TKT: variants seen among roughly 807,000 people sequenced by gnomAD.
The protein encoded by TKT is epididymis luminal protein 107.
TKT carries 47 observed loss-of-function variants against 63.9 expected under a neutral mutation model. That is an observed-to-expected ratio of 0.74 (90% CI 0.58 to 0.94). TKT has a LOEUF of 0.94. Ranked by LOEUF, TKT falls within the 40% of genes least tolerant of loss-of-function variation. The pLI is 0.00. For synonymous variants in TKT, 338 were observed against 334.1 expected (o/e 1.01, Z -0.13); for missense variants, 721 against 846.2 (o/e 0.85, Z 1.84).
At chr3:53,228,720 A>T (rs1704610065) in intron 10 of TKT, 2 of 530,702 alleles carry the variant, frequency 3.8e-6, no homozygotes, top group Non-Finnish European at 6.8e-6. Flanking sequence ...CCTGTCTTGG[A>T]GAACCCAACT....
intron 4 of TKT, 122 bp downstream of exon 4, chr3:53,240,129 A>G: frequency 8.1e-6 from 7 of 865,368 alleles, no homozygotes; most frequent in Non-Finnish European, 1.2e-5. Context: ...GAGGCCACGC[A>G]TATGTATTAC....
chr3:53,234,749 T>A (rs1704934446), intron 5 of TKT: 2 of 424,432 alleles, frequency 4.7e-6, no homozygotes, highest in Non-Finnish European at 8.3e-6. Flanking sequence ...AGAGCCACCA[T>A]GCCACAACCA....
chr3:53,229,553 G>A (rs1331997519), intron 8 of TKT, 117 bp from the exon 9 acceptor site: 1 of 1,205,770 alleles, frequency 8.3e-7, no homozygotes, highest in Non-Finnish European at 1.2e-6. Flanking sequence ...ATCCTTTCTG[G>A]GCTTCTGAAT....
intron 4 of TKT, among the ~76,000 whole-genome samples, chr3:53,238,095 T>A (rs1705117491): frequency 6.6e-6 from 1 of 151,976 alleles, no homozygotes; most frequent in Non-Finnish European, 1.5e-5. Flanking sequence ...CCTGGCCCCT[T>A]CCCCCAGGTA....
In TKT at chr3:53,233,328, G is replaced by GT. The variant is rs147279611; in HGVS notation, c.630-55_630-54insA. 9 of 1,432,524 alleles carry GT rather than the reference G, an allele frequency of 6.3e-6. No individual in the cohort carries two copies. The African/African-American group carries it at 1.1e-4, about 18-fold the overall frequency. The allele number at this position is 1,432,524 out of a possible 1,614,324, so 88.7% of individuals were successfully genotyped here. On this transcript the variant is annotated intron_variant, in intron 5 of 13. Transcript: ENST00000462138. ...CAATTCCCAGGGGCCACAACACCGA[G>GT]GAGCCTTCCAGGGAAAGGTCTGCCT...
At chr3:53,241,444 C>T (rs1293245858) in intron 2 of TKT, among the ~76,000 whole-genome samples, 199 bp from the exon 3 acceptor site, 1 of 152,280 alleles carries the variant, frequency 6.6e-6, no homozygotes, top group Non-Finnish European at 1.5e-5. Context: ...GTTCCCACTG[C>T]CAAGGCCAGG....
Position 53,234,973 on chromosome 3 carries a change from T to G in TKT, c.629+10A>C. 1 of 1,606,990 alleles carries G rather than the reference T, an allele frequency of 6.2e-7. No homozygotes were observed. Among genetic ancestry groups the G allele is most frequent in the Non-Finnish European group, 8.5e-7 (1 of 1,175,856 alleles). On this transcript the variant is annotated intron_variant, in intron 5 of 13. Transcript: ENST00000462138. ...CTGTGACCACACTCAGGCCACAGCCTCGTACATACCCGAAGGCCTCGCACC... is the reference window on the plus strand; with the variant it reads ...CTGTGACCACACTCAGGCCACAGCCGCGTACATACCCGAAGGCCTCGCACC...
chr3:53,231,531 A>T lies in TKT; in HGVS notation c.768T>A (p.Ser256=). 1 of 1,614,044 alleles carries T rather than the reference A, an allele frequency of 6.2e-7. No individual in the cohort carries two copies. The highest frequency in any genetic ancestry group is 8.5e-7 in the Non-Finnish European group (1 of 1,179,986). Residue 256 remains serine (S), a synonymous_variant, in exon 7 of 14, where the codon TCT becomes TCA. Coordinates refer to ENST00000462138, the MANE Select transcript of TKT (RefSeq NM_001064.4). The part of the protein sequence containing the change: ...RGITGVEDKE[S]WHGKPLPKNM... ...TTTTGGGGAGGGGCTTCCCATGCCA[A>T]GACTCCTTATCTTCTACCCCTGCAG...
At chr3:53,244,075 G>T (rs1337735386) in intron 1 of TKT, among the ~76,000 whole-genome samples, 1 of 152,240 alleles carries the variant, frequency 6.6e-6, no homozygotes, top group South Asian at 2.1e-4. Context: ...AACGTGGAGA[G>T]AGGAAGGTCA....
chr3:53,231,018 C>T (rs1481373948), intron 7 of TKT, among the ~76,000 whole-genome samples: 3 of 152,212 alleles, frequency 2.0e-5, no homozygotes, highest in Non-Finnish European at 4.4e-5. Context: ...CCTAGCCTTT[C>T]CCAGGTCAGG....
chr3:53,242,086 A>T, intron 2 of TKT, 39 bp downstream of exon 2: 2 of 1,583,514 alleles, frequency 1.3e-6, no homozygotes, highest in Non-Finnish European at 1.7e-6. Context: ...CCCTAGTCCC[A>T]GGCAAGGTGT....
chr3:53,245,475 G>C (rs62255993), intron 1 of TKT, among the ~76,000 whole-genome samples: 25,201 of 152,028 alleles, frequency 0.17, 2,639 homozygotes, highest in Middle Eastern at 0.27. Context: ...CCTCCAGATG[G>C]GCTCCTTCAA....
chr3:53,245,263 A>C (rs1344058695), intron 1 of TKT, among the ~76,000 whole-genome samples: 1 of 146,356 alleles, frequency 6.8e-6, no homozygotes, highest in Non-Finnish European at 1.5e-5. Flanking sequence ...CCAAGATTGC[A>C]CCATTGCACT....
Position 53,225,840 on chromosome 3 carries a change from C to T in TKT, c.1788G>A (p.Gly596=). 6.2e-7 allele frequency: 1 copy of T among 1,614,112 alleles called. No homozygotes were observed. The highest frequency in any genetic ancestry group is 8.5e-7 in the Non-Finnish European group (1 of 1,179,994). The change falls in exon 14 of 14, where the codon GGG becomes GGA. Residue 596 remains glycine (G), a synonymous_variant. Transcript: ENST00000462138. ...ACATCTTCAGCAGCTCAGCCGGCTTCCCACTTCTTGGTACCCGGTTAACTG... is the reference window on the plus strand; with the variant it reads ...ACATCTTCAGCAGCTCAGCCGGCTTTCCACTTCTTGGTACCCGGTTAACTG... ...HLAVNRVPRS[G]KPAELLKMFG...
Position 53,225,777 on chromosome 3 carries a change from C to G in TKT, c.1851G>C (p.Arg617Ser), listed in dbSNP as rs782187096. ...IDRDAIAQAV[R>S]GLITKA ...CGCCCTAGGCCTTGGTGATGAGGCCCCTCACAGCTTGTGCAATGGCATCCC... is the reference window on the plus strand; with the variant it reads ...CGCCCTAGGCCTTGGTGATGAGGCCGCTCACAGCTTGTGCAATGGCATCCC... The change falls in exon 14 of 14, where the codon AGG becomes AGC. Residue 617 changes from arginine to serine, a missense_variant. Transcript: ENST00000462138. 1 of 1,613,598 alleles carries G rather than the reference C, an allele frequency of 6.2e-7. No individual in the cohort carries two copies. Among genetic ancestry groups the G allele is most frequent in the Non-Finnish European group, 8.5e-7 (1 of 1,179,646 alleles).
Position 53,230,639 on chromosome 3 carries a change from G to T in TKT, c.943-18C>A. On this transcript the variant is annotated intron_variant, in intron 7 of 13. Transcript: ENST00000462138. ...GTGGCTATCTGTGAGGAAGAGAGTG[G>T]GAAGGCTCTGGACCCCTCTGAGGGT... 6.2e-7 allele frequency: 1 copy of T among 1,613,822 alleles called. No homozygotes were observed. Among genetic ancestry groups the T allele is most frequent in the Non-Finnish European group, 8.5e-7 (1 of 1,179,848 alleles).
At chr3:53,248,502 T>C (rs1553681248) in intron 1 of TKT, among the ~76,000 whole-genome samples, 1 of 152,078 alleles carries the variant, frequency 6.6e-6, no homozygotes. Context: ...TGTATGGTGG[T>C]GAGTGCCTCC....
intron 1 of TKT, among the ~76,000 whole-genome samples, chr3:53,251,823 G>A (rs1345939088): frequency 6.6e-6 from 1 of 152,072 alleles, no homozygotes; most frequent in African/African-American, 2.4e-5. Flanking sequence ...GACACAGCAA[G>A]ACCCTGTCTT....
chr3:53,228,219 C>A lies in TKT; in HGVS notation c.1479+57G>T. On this transcript the variant is annotated intron_variant, in intron 11 of 13. Transcript: ENST00000462138. ...AGGGTGTGCCCTGACTGCTGGGAGT[C>A]ACAGCAGGGAGGGTCCAGGCAGCTC... is the stretch of plus-strand genomic sequence containing the variant. 1.9e-6 allele frequency: 3 copies of A among 1,613,604 alleles called. No individual in the cohort carries two copies. In the South Asian group the frequency reaches 3.3e-5, roughly 18 times the overall value.
Sources: gnomAD v4.1 joint callset for allele counts (sites outside exome capture counted in the v4.1 genomes callset) on GRCh38, gnomAD v4.1.1 for gene constraint, MANE v1.5 for transcripts, NCBI Gene and HGNC (gene_info 2026-07-23, HGNC 2026-07-21) for gene names.